The following PLCH1 variants were observed in gnomAD, a reference collection of about 807,000 sequenced individuals.
The protein encoded by PLCH1 is 1-phosphatidylinositol 4,5-bisphosphate phosphodiesterase eta-1.
Under a neutral mutation model 126.7 loss-of-function variants are expected in PLCH1, and 60 were observed. That is an observed-to-expected ratio of 0.47 (90% CI 0.38 to 0.59). PLCH1 has a LOEUF of 0.59. Ranked by LOEUF, PLCH1 falls within the 20% of genes least tolerant of loss-of-function variation. The probability of loss-of-function intolerance (pLI) is 0.00; values close to 1 mark genes in which losing one functional copy is unlikely to be tolerated. For missense variants in PLCH1, 1,723 were observed against 2,040.0 expected (o/e 0.84, Z 2.99); for synonymous variants, 719 against 734.9 (o/e 0.98, Z 0.35).
At chr3:155,669,946 CAT>C (rs1743237538) in intron 2 of PLCH1, among the ~76,000 whole-genome samples, 1 of 152,186 alleles carries the variant, frequency 6.6e-6, no homozygotes, top group African/African-American at 2.4e-5. Context: ...TTTCTGTTTA[CAT>C]GTGTGTGTGC....
At chr3:155,471,921 C>T (rs1349528253) in intron 21 of PLCH1, among the ~76,000 whole-genome samples, 2 of 151,882 alleles carry the variant, frequency 1.3e-5, no homozygotes, top group Non-Finnish European at 2.9e-5. Flanking sequence ...GGGATGCATT[C>T]AAAGCAGTGT....
chr3:155,506,486 A>G (rs1321708194), intron 12 of PLCH1, among the ~76,000 whole-genome samples: 5 of 144,898 alleles, frequency 3.5e-5, no homozygotes, highest in South Asian at 2.4e-4. Context: ...ATATCTCCCA[A>G]TGTTATCCCT....
intron 1 of PLCH1, among the ~76,000 whole-genome samples, chr3:155,721,942 G>A (rs1213139128): frequency 6.6e-6 from 1 of 152,042 alleles, no homozygotes; most frequent in Non-Finnish European, 1.5e-5. Context: ...AGCTACTCGG[G>A]AGGCTGAAGC....
chr3:155,727,623 A>T (rs918612329), intron 1 of PLCH1, among the ~76,000 whole-genome samples: 1 of 152,052 alleles, frequency 6.6e-6, no homozygotes, highest in African/African-American at 2.4e-5. Flanking sequence ...CCTGACCTCA[A>T]GTGATCCGCC....
intron 9 of PLCH1, 101 bp downstream of exon 9, chr3:155,553,975 G>T: frequency 9.1e-7 from 1 of 1,098,562 alleles, no homozygotes; most frequent in Non-Finnish European, 1.3e-6. Context: ...AGAGGGCAGT[G>T]TAGAGTCCAA....
intron 10 of PLCH1, among the ~76,000 whole-genome samples, chr3:155,542,351 C>T (rs1018863262): frequency 2.0e-5 from 3 of 152,188 alleles, no homozygotes; most frequent in Non-Finnish European, 4.4e-5. Flanking sequence ...CCGCCATTGC[C>T]CAGGCTTGCT....
intron 15 of PLCH1, 87 bp from the exon 16 acceptor site, chr3:155,494,604 T>A: frequency 9.3e-7 from 1 of 1,073,152 alleles, no homozygotes; most frequent in Non-Finnish European, 1.4e-6. Context: ...AATGTCAGAT[T>A]ATACCAATAG....
rs150650217 is a variant in PLCH1 at position 155,512,457 on chromosome 3, C to T, written c.1632+2266G>A. ...ACTATAATGGGGAAAGCTTAGGGCA[C>T]TGTGGGATGGCACAGGGAGACCATC... On this transcript the variant is annotated intron_variant, in intron 12 of 22. Coordinates refer to ENST00000460012, the MANE Select transcript of PLCH1 (RefSeq NM_014996.4). Among the ~76,000 whole-genome samples the T allele has an allele frequency of 4.7e-3, 720 of 152,270 alleles. 7 individuals carry two copies. Among genetic ancestry groups the T allele is most frequent in the African/African-American group, 0.017 (694 of 41,550 alleles).
intron 12 of PLCH1, among the ~76,000 whole-genome samples, chr3:155,506,158 A>G (rs114385844): frequency 6.6e-6 from 1 of 152,220 alleles, no homozygotes; most frequent in African/African-American, 2.4e-5. Flanking sequence ...ACTATGCATA[A>G]CCAACCCTGG....
chr3:155,613,210 C>A (rs1735354741), intron 2 of PLCH1, among the ~76,000 whole-genome samples: 1 of 152,124 alleles, frequency 6.6e-6, no homozygotes, highest in Admixed American at 6.5e-5. Flanking sequence ...CAGCTGAATT[C>A]TATCAGACAT....
At chr3:155,670,973 C>A (rs1478644554) in intron 2 of PLCH1, among the ~76,000 whole-genome samples, 2 of 152,130 alleles carry the variant, frequency 1.3e-5, no homozygotes, top group African/African-American at 4.8e-5. Context: ...AAGGCATATG[C>A]ACAAAGGAGG....
intron 10 of PLCH1, among the ~76,000 whole-genome samples, chr3:155,534,426 T>C (rs573844743): frequency 1.8e-3 from 277 of 152,338 alleles, no homozygotes; most frequent in African/African-American, 6.2e-3. Flanking sequence ...ATTTATCCAA[T>C]GCCTGTACCC....
chr3:155,554,341 C>G (rs1428272771), intron 8 of PLCH1, 145 bp from the exon 9 acceptor site: 1 of 711,068 alleles, frequency 1.4e-6, no homozygotes, highest in Non-Finnish European at 2.3e-6. Flanking sequence ...ACACAGAAAT[C>G]GGTGTTCTGG....
At position 155,666,141 on chromosome 3, in the gene PLCH1, G is replaced by A. The variant is rs115690103; in HGVS notation, c.79+38005C>T. ...TAAACTTACTTATACATTTATCTTCGTGCAAATGTACAAGCAATTTGACAG... is the reference window on the plus strand; with the variant it reads ...TAAACTTACTTATACATTTATCTTCATGCAAATGTACAAGCAATTTGACAG... On this transcript the variant is annotated intron_variant, in intron 2 of 22. Coordinates refer to ENST00000460012, the MANE Select transcript of PLCH1 (RefSeq NM_014996.4). Among the ~76,000 whole-genome samples, 421 of 152,036 alleles carry A rather than the reference G, an allele frequency of 2.8e-3. 2 individuals carry two copies. The highest frequency in any genetic ancestry group is 3.3e-3 in the Non-Finnish European group (221 of 67,976).
intron 21 of PLCH1, among the ~76,000 whole-genome samples, chr3:155,470,861 C>G (rs528047448): frequency 6.6e-6 from 1 of 151,868 alleles, no homozygotes; most frequent in Non-Finnish European, 1.5e-5. Context: ...AAATAATTTA[C>G]AAACAAGCAA....
At chr3:155,495,816 A>G (rs1350994117) in intron 15 of PLCH1, among the ~76,000 whole-genome samples, 1 of 152,252 alleles carries the variant, frequency 6.6e-6, no homozygotes, top group Non-Finnish European at 1.5e-5. Context: ...TTTCTAGTTT[A>G]GACCCTTTCC....
Position 155,549,800 on chromosome 3 carries a change from T to C in PLCH1, c.1349A>G (p.Lys450Arg), listed in dbSNP as rs1276915848. The C allele has an allele frequency of 6.2e-7, 1 of 1,612,710 alleles. No individual in the cohort carries two copies. Among genetic ancestry groups the C allele is most frequent in the Admixed American group, 1.7e-5 (1 of 59,798 alleles). The change falls in exon 10 of 23, where the codon AAA becomes AGA. Residue 450 changes from lysine to arginine, a missense_variant. Physicochemically the swap from Lys to Arg is conservative, Grantham distance 26. Coordinates refer to ENST00000460012, the MANE Select transcript of PLCH1 (RefSeq NM_014996.4). Reference protein sequence around the residue: ...QLPSPQSLKGKILVKGKKLPY... With the variant: ...QLPSPQSLKGRILVKGKKLPY... Reference sequence around the variant, plus strand: ...TGAAGTAATTACCTTCACTAGAATTTTGCCTTTCAAACTTTGAGGGCTTGG... The same window carrying C: ...TGAAGTAATTACCTTCACTAGAATTCTGCCTTTCAAACTTTGAGGGCTTGG...
At chr3:155,732,791 T>A (rs1400822294) in intron 1 of PLCH1, among the ~76,000 whole-genome samples, 1 of 146,082 alleles carries the variant, frequency 6.8e-6, no homozygotes, top group Non-Finnish European at 1.5e-5. Context: ...GGCAGGAGAA[T>A]CACTTGAATT....
At chr3:155,586,779 T>C (rs1296016096) in intron 4 of PLCH1, among the ~76,000 whole-genome samples, 1 of 152,204 alleles carries the variant, frequency 6.6e-6, no homozygotes, top group Non-Finnish European at 1.5e-5. Flanking sequence ...GCATCTTTAA[T>C]TCAGACATTC....
Sources: allele counts gnomAD v4.1 joint callset (sites outside exome capture counted in the v4.1 genomes callset), GRCh38; gene constraint gnomAD v4.1.1; transcripts MANE v1.5; gene names NCBI Gene and HGNC (gene_info 2026-07-23, HGNC 2026-07-21).